The following ADAM12 variants were observed in gnomAD, a reference collection of about 807,000 sequenced individuals.
The protein encoded by ADAM12 is disintegrin and metalloproteinase domain-containing protein 12.
In ADAM12, 70 loss-of-function variants were observed where a neutral mutation model predicts 106.4. The ratio of observed to expected loss-of-function variants is 0.66; its 90% CI spans 0.54 to 0.80. The LOEUF (loss-of-function observed/expected upper bound fraction) is 0.80, where lower values mean the gene tolerates loss of function less well. ADAM12 is among the 30% of genes least tolerant of loss of function. The probability of loss-of-function intolerance (pLI) is 0.00; values close to 1 mark genes in which losing one functional copy is unlikely to be tolerated. For missense variants in ADAM12, 1,010 were observed against 1,171.9 expected, an observed-to-expected ratio of 0.86 and a Z score of 2.02; for synonymous variants, 420 against 433.5, an observed-to-expected ratio of 0.97 and a Z score of 0.39.
At chr10:126,272,449 G>A (rs1213709057) in intron 3 of ADAM12, among the ~76,000 whole-genome samples, 1 of 152,120 alleles carries the variant, frequency 6.6e-6, no homozygotes, top group Non-Finnish European at 1.5e-5. Flanking sequence ...TTGATCTTGG[G>A]AGGCATGAGC....
chr10:126,284,881 CT>C (rs1453685423), intron 2 of ADAM12, among the ~76,000 whole-genome samples: 18 of 152,246 alleles, frequency 1.2e-4, no homozygotes, highest in African/African-American at 4.3e-4. Flanking sequence ...CTCCCTTACT[CT>C]CTTCACTGGG....
chr10:126,113,732 A>ATATATAT (rs1186693137), intron 6 of ADAM12, among the ~76,000 whole-genome samples: 1 of 79,144 alleles, frequency 1.3e-5, no homozygotes, highest in Non-Finnish European at 2.2e-5. Context: ...ATATATATAT[A>ATATATAT]ATATATTGCT....
chr10:126,099,940 T>C (rs1955628808), intron 9 of ADAM12, among the ~76,000 whole-genome samples: 1 of 152,196 alleles, frequency 6.6e-6, no homozygotes. Context: ...AATTTGTCAC[T>C]TCTAGAAACA....
chr10:126,308,022 T>C (rs1007097700), intron 2 of ADAM12, among the ~76,000 whole-genome samples: 16 of 152,204 alleles, frequency 1.1e-4, no homozygotes, highest in Admixed American at 7.9e-4. Flanking sequence ...TGTAGGAAAA[T>C]TGGACTGATG....
chr10:126,159,134 C>A (rs1324354644), intron 3 of ADAM12, among the ~76,000 whole-genome samples: 17 of 151,692 alleles, frequency 1.1e-4, no homozygotes, highest in South Asian at 4.2e-4. Flanking sequence ...ACGGTGAAAC[C>A]CCGTCTCTAC....
intron 21 of ADAM12, among the ~76,000 whole-genome samples, chr10:126,031,705 T>C (rs938397821): frequency 6.6e-6 from 1 of 152,074 alleles, no homozygotes; most frequent in Admixed American, 6.5e-5. Flanking sequence ...CTGGTGAGTC[T>C]TGTGTTATAA....
chr10:126,335,817 G>A (rs1854678932), intron 1 of ADAM12, among the ~76,000 whole-genome samples: 1 of 152,136 alleles, frequency 6.6e-6, no homozygotes. Context: ...CCTGTGGATG[G>A]TACGACCCTT....
chr10:126,017,295 G>C lies in ADAM12; in HGVS notation c.2705C>G (p.Thr902Ser), dbSNP rs370593639. The C allele has an allele frequency of 8.4e-5, 134 of 1,594,946 alleles. 1 individual carries two copies. The Middle Eastern group carries it at 1.8e-3, about 22-fold the overall frequency. The change falls in exon 23 of 23, where the codon ACC becomes AGC. Residue 902 changes from threonine to serine, a missense_variant. Around this residue, in one of 3 missense-constraint regions of ADAM12, gnomAD observed 615 missense variants for 708.5 expected, o/e 0.87. Coordinates refer to ENST00000448723, the MANE Select transcript of ADAM12 (RefSeq NM_001288973.2). ...YPHQVPRSTH[T>S]AYIK Reference sequence around the variant, plus strand: ...GTCGGCTTCTCACTTAATATAGGCGGTGTGGGTGGATCTGGGCACTTGGTG... The same window carrying C: ...GTCGGCTTCTCACTTAATATAGGCGCTGTGGGTGGATCTGGGCACTTGGTG...
At chr10:126,322,550 A>G (rs1211590408) in intron 2 of ADAM12, among the ~76,000 whole-genome samples, 1 of 152,148 alleles carries the variant, frequency 6.6e-6, no homozygotes, top group East Asian at 1.9e-4. Flanking sequence ...CCCTCCCCCC[A>G]CACACAGCAA....
chr10:126,087,078 C>A lies in ADAM12; in HGVS notation c.1145+6907G>T, dbSNP rs137968504. Among the ~76,000 whole-genome samples, 441 of 152,014 alleles carry A rather than the reference C, an allele frequency of 2.9e-3. 5 individuals carry two copies. Among genetic ancestry groups the A allele is most frequent in the African/African-American group, 0.01 (423 of 41,452 alleles). ...AAAAGTTCATCGATGAAACAGGACA[C>A]CATGAATGCAGTCCTTCAGGGTCAA... On this transcript the variant is annotated intron_variant, in intron 11 of 22. Transcript: ENST00000448723.
chr10:126,098,393 A>G (rs757509024), intron 10 of ADAM12, 23 bp downstream of exon 10: 1 of 1,597,904 alleles, frequency 6.3e-7, no homozygotes, highest in East Asian at 2.2e-5. Context: ...AAGGGGAACC[A>G]GCTCCCAATG....
chr10:126,269,418 G>A lies in ADAM12; in HGVS notation c.260+9497C>T, dbSNP rs373400004. On this transcript the variant is annotated intron_variant, in intron 3 of 22. Transcript: ENST00000448723. ...TAACAAAACTTTCAAGCTTTCCAGA[G>A]AGTTAGTTTTATTGTCATAAGCAAT... is the stretch of plus-strand genomic sequence containing the variant. 2.0e-5 allele frequency among the ~76,000 whole-genome samples: 3 copies of A among 152,178 alleles called. No homozygotes were observed. The East Asian group carries it at 5.8e-4, about 29-fold the overall frequency.
intron 11 of ADAM12, among the ~76,000 whole-genome samples, chr10:126,078,180 G>A (rs1955139786): frequency 6.6e-6 from 1 of 152,172 alleles, no homozygotes; most frequent in Non-Finnish European, 1.5e-5. Flanking sequence ...TGCTGACTCT[G>A]CCTACATACC....
intron 6 of ADAM12, among the ~76,000 whole-genome samples, chr10:126,111,519 A>G (rs1955867858): frequency 6.6e-6 from 1 of 152,202 alleles, no homozygotes; most frequent in Admixed American, 6.5e-5. Flanking sequence ...AGCTCTAGAA[A>G]TGAAAAACTA....
At chr10:126,364,997 C>T (rs1412669294) in intron 1 of ADAM12, among the ~76,000 whole-genome samples, 1 of 152,158 alleles carries the variant, frequency 6.6e-6, no homozygotes, top group Non-Finnish European at 1.5e-5. Flanking sequence ...CTTCTGGGAT[C>T]TCCCTGTCAT....
At chr10:126,357,690 G>A (rs1036375764) in intron 1 of ADAM12, among the ~76,000 whole-genome samples, 6 of 152,096 alleles carry the variant, frequency 3.9e-5, no homozygotes, top group Non-Finnish European at 7.4e-5. Flanking sequence ...AAGAAGTGCC[G>A]AGCAAAACGG....
At chr10:126,031,782 AC>A (rs1185423000) in intron 21 of ADAM12, among the ~76,000 whole-genome samples, 2 of 152,232 alleles carry the variant, frequency 1.3e-5, no homozygotes, top group Non-Finnish European at 2.9e-5. Flanking sequence ...TTGTGTTTTG[AC>A]AGCATCACTG....
intron 18 of ADAM12, among the ~76,000 whole-genome samples, chr10:126,041,139 C>A (rs1954157752): frequency 6.6e-6 from 1 of 152,178 alleles, no homozygotes. Context: ...GATGCCCTCT[C>A]TCCCTGCAGT....
chr10:126,289,573 C>T (rs1283948692), intron 2 of ADAM12, among the ~76,000 whole-genome samples: 3 of 152,208 alleles, frequency 2.0e-5, no homozygotes, highest in South Asian at 2.1e-4. Context: ...TCAGCATCCT[C>T]GGACCACCCC....
Sources: gnomAD v4.1 joint callset for allele counts (sites outside exome capture counted in the v4.1 genomes callset) on GRCh38, gnomAD v4.1.1 for gene constraint, gnomAD v4.1.1 regional missense constraint, MANE v1.5 for transcripts, NCBI Gene and HGNC (gene_info 2026-07-23, HGNC 2026-07-21) for gene names.